The following KSR2 variants were observed in gnomAD, a reference collection of about 807,000 sequenced individuals.
KSR2 encodes kinase suppressor of ras 2.
KSR2 carries 25 observed loss-of-function variants against 107.8 expected under a neutral mutation model. The observed-to-expected ratio is 0.23, with a 90% CI of 0.17 to 0.32. The LOEUF (loss-of-function observed/expected upper bound fraction) is 0.32, where lower values mean the gene tolerates loss of function less well. KSR2 is among the 10% of genes least tolerant of loss of function. The pLI, the probability that KSR2 is intolerant of heterozygous loss-of-function variation, is 1.00. For synonymous variants in KSR2, 480 were observed against 507.0 expected (o/e 0.95, Z 0.71); for missense variants, 887 against 1,268.9 (o/e 0.70, Z 4.57).
In KSR2 at chr12:117,467,066, A is replaced by G. The variant is rs1377298413; in HGVS notation, c.*133T>C. 2 of 513,298 alleles carry G rather than the reference A, an allele frequency of 3.9e-6. No individual in the cohort carries two copies. Among genetic ancestry groups the G allele is most frequent in the Non-Finnish European group, 7.0e-6 (2 of 285,226 alleles). The allele number at this position is 513,298 out of a possible 1,614,324, so 31.8% of individuals were successfully genotyped here. A position where few individuals can be genotyped will look rare whatever the true frequency, so the allele number is the denominator to read the frequency against. On this transcript the variant is annotated 3_prime_UTR_variant, in exon 20 of 20. Coordinates refer to ENST00000339824, the MANE Select transcript of KSR2 (RefSeq NM_173598.6). ...CAGGGAGGCCGCCGAGCAGTTGTCC[A>G]GTGCTCCCAGGTCGGTCGGGGTTGG...
intron 1 of KSR2, among the ~76,000 whole-genome samples, chr12:117,899,393 T>G (rs1251227963): frequency 6.6e-6 from 1 of 152,126 alleles, no homozygotes. Flanking sequence ...CTCAGGAGGC[T>G]GAGGCGGGAG....
At chr12:117,861,941 T>C (rs1272141516) in intron 1 of KSR2, among the ~76,000 whole-genome samples, 1 of 152,214 alleles carries the variant, frequency 6.6e-6, no homozygotes, top group African/African-American at 2.4e-5. Context: ...TACCTGTGTG[T>C]CTGAGCAGAG....
At chr12:117,732,128 C>T (rs1314162381) in intron 4 of KSR2, among the ~76,000 whole-genome samples, 1 of 151,976 alleles carries the variant, frequency 6.6e-6, no homozygotes, top group Non-Finnish European at 1.5e-5. Flanking sequence ...GTGCATCCCA[C>T]CCTGAGTTAA....
At chr12:117,708,623 T>A (rs544500069) in intron 4 of KSR2, among the ~76,000 whole-genome samples, 4 of 152,136 alleles carry the variant, frequency 2.6e-5, no homozygotes, top group Non-Finnish European at 4.4e-5. Flanking sequence ...GCTGTCAGTC[T>A]CTCCAACAAT....
intron 11 of KSR2, among the ~76,000 whole-genome samples, chr12:117,531,405 C>A (rs766467838): frequency 7.2e-5 from 11 of 152,140 alleles, no homozygotes; most frequent in Non-Finnish European, 1.6e-4. Flanking sequence ...GCTCTAGACC[C>A]CTCCTCACCC....
intron 3 of KSR2, among the ~76,000 whole-genome samples, chr12:117,804,480 AT>A (rs1890946063): frequency 6.6e-6 from 1 of 152,140 alleles, no homozygotes; most frequent in Admixed American, 6.6e-5. Flanking sequence ...CTCCTATACC[AT>A]TTGCCAGCAA....
At chr12:117,492,961 A>C (rs1318355121) in intron 14 of KSR2, among the ~76,000 whole-genome samples, 1 of 152,166 alleles carries the variant, frequency 6.6e-6, no homozygotes, top group Non-Finnish European at 1.5e-5. Context: ...CAGCCCTGCC[A>C]ACATCCTGAT....
intron 4 of KSR2, among the ~76,000 whole-genome samples, chr12:117,730,007 G>A (rs1353326461): frequency 1.3e-5 from 2 of 152,280 alleles, no homozygotes; most frequent in East Asian, 3.9e-4. Flanking sequence ...AACAATTTCC[G>A]AAAGGGCCAA....
At chr12:117,922,181 A>G (rs1379530932) in intron 1 of KSR2, among the ~76,000 whole-genome samples, 1 of 152,198 alleles carries the variant, frequency 6.6e-6, no homozygotes, top group Non-Finnish European at 1.5e-5. Flanking sequence ...ATCTGAAGAC[A>G]GGGCAAACCC....
At chr12:117,588,671 A>G (rs1283305627) in intron 5 of KSR2, among the ~76,000 whole-genome samples, 1 of 152,238 alleles carries the variant, frequency 6.6e-6, no homozygotes, top group Non-Finnish European at 1.5e-5. Context: ...ATCTGAACTT[A>G]TTTATCCTCA....
At chr12:117,685,338 G>A (rs775628883) in intron 4 of KSR2, among the ~76,000 whole-genome samples, 29 of 152,212 alleles carry the variant, frequency 1.9e-4, no homozygotes, top group African/African-American at 5.3e-4. Flanking sequence ...ACCAGAGCTC[G>A]TGACAGCCCT....
chr12:117,525,768 TC>T (rs1466417443), intron 13 of KSR2, among the ~76,000 whole-genome samples: 1 of 152,166 alleles, frequency 6.6e-6, no homozygotes, highest in Non-Finnish European at 1.5e-5. Context: ...ACATGGAGTA[TC>T]TTTTGCTTCC....
Position 117,885,550 on chromosome 12 carries a change from G to A in KSR2, c.181-25119C>T, listed in dbSNP as rs551421666. ...TTTTTATAATATGCATATATTTATA[G>A]GTGTGTATAAACACATATGTAATAT... On this transcript the variant is annotated intron_variant, in intron 1 of 19. Coordinates refer to ENST00000339824, the MANE Select transcript of KSR2 (RefSeq NM_173598.6). Among the ~76,000 whole-genome samples, 19 of 151,966 alleles carry A rather than the reference G, an allele frequency of 1.3e-4. No homozygotes were observed. In the East Asian group the frequency reaches 3.7e-3, roughly 29 times the overall value.
At chr12:117,650,329 G>C (rs1306905772) in intron 5 of KSR2, among the ~76,000 whole-genome samples, 1 of 152,146 alleles carries the variant, frequency 6.6e-6, no homozygotes, top group East Asian at 1.9e-4. Context: ...GGCTCTCCTT[G>C]CTCCTCAGCT....
At chr12:117,468,843 ATC>A in intron 19 of KSR2, among the ~76,000 whole-genome samples, 1 of 152,274 alleles carries the variant, frequency 6.6e-6, no homozygotes, top group Middle Eastern at 3.4e-3. Context: ...GTGAGTATAG[ATC>A]TGAGTGCAGC....
intron 7 of KSR2, among the ~76,000 whole-genome samples, chr12:117,570,152 G>A (rs1199955324): frequency 6.6e-6 from 1 of 152,138 alleles, no homozygotes; most frequent in Non-Finnish European, 1.5e-5. Flanking sequence ...ACAGGCGCCT[G>A]CCACCGCGCC....
At chr12:117,858,372 A>G (rs1893169145) in intron 2 of KSR2, among the ~76,000 whole-genome samples, 2 of 152,190 alleles carry the variant, frequency 1.3e-5, no homozygotes. Flanking sequence ...GGATATTTGC[A>G]AGAAACTCAT....
At chr12:117,899,532 AAAG>A (rs1025560033) in intron 1 of KSR2, among the ~76,000 whole-genome samples, 1 of 152,214 alleles carries the variant, frequency 6.6e-6, no homozygotes, top group Admixed American at 6.5e-5. Flanking sequence ...GCATTTTTAA[AAAG>A]AAGAAGTTAA....
At chr12:117,552,080 C>T (rs1282528634) in intron 9 of KSR2, among the ~76,000 whole-genome samples, 1 of 152,200 alleles carries the variant, frequency 6.6e-6, no homozygotes, top group African/African-American at 2.4e-5. Flanking sequence ...ATTTGCTCAG[C>T]CCTCCCAGCA....
Sources: allele counts gnomAD v4.1 joint callset (sites outside exome capture counted in the v4.1 genomes callset), GRCh38; gene constraint gnomAD v4.1.1; transcripts MANE v1.5; gene names NCBI Gene and HGNC (gene_info 2026-07-23, HGNC 2026-07-21).